Variants in RAPH1 observed in about 807,000 individuals in gnomAD.
RAPH1 encodes the protein ras-associated and pleckstrin homology domains-containing protein 1.
A neutral mutation model predicts 88.1 loss-of-function variants in RAPH1; 18 were observed. That is an observed-to-expected ratio of 0.20 (90% CI 0.14 to 0.30). The LOEUF (loss-of-function observed/expected upper bound fraction) is 0.30. Ranked by LOEUF, RAPH1 falls within the 10% of genes least tolerant of loss-of-function variation. RAPH1 has a pLI of 1.00. For synonymous variants in RAPH1, 587 were observed against 559.0 expected (o/e 1.05, Z -0.71); for missense variants, 1,448 against 1,543.2 (o/e 0.94, Z 1.03).
intron 4 of RAPH1, among the ~76,000 whole-genome samples, chr2:203,464,358 A>C (rs1312310416): frequency 2.6e-5 from 4 of 152,012 alleles, no homozygotes; most frequent in African/African-American, 9.7e-5. Context: ...TGCAACCTCC[A>C]CCTCCCGGGT....
chr2:203,474,105 G>C (rs1055661850), intron 4 of RAPH1, among the ~76,000 whole-genome samples: 1 of 152,202 alleles, frequency 6.6e-6, no homozygotes, highest in Admixed American at 6.5e-5. Context: ...AAAAGCTACA[G>C]TCCTGGAGGA....
intron 1 of RAPH1, among the ~76,000 whole-genome samples, chr2:203,520,503 T>C (rs1357414425): frequency 3.3e-5 from 5 of 151,986 alleles, no homozygotes; most frequent in Non-Finnish European, 5.9e-5. Context: ...GGTACTTGCC[T>C]GTAGTTCGAG....
At chr2:203,499,281 C>T (rs1156738548) in intron 1 of RAPH1, among the ~76,000 whole-genome samples, 1 of 152,138 alleles carries the variant, frequency 6.6e-6, no homozygotes, top group Admixed American at 6.6e-5. Flanking sequence ...GAAAATATCG[C>T]TAGAGAACAT....
chr2:203,473,504 T>C (rs1362121675), intron 4 of RAPH1, among the ~76,000 whole-genome samples: 1 of 152,116 alleles, frequency 6.6e-6, no homozygotes, highest in Admixed American at 6.5e-5. Context: ...CAGTGAAACA[T>C]TTTAAACTGC....
At chr2:203,491,362 T>A in intron 2 of RAPH1, 43 bp from the exon 3 acceptor site, 1 of 1,309,474 alleles carries the variant, frequency 7.6e-7, no homozygotes, top group Admixed American at 2.1e-5. Flanking sequence ...AATTCAGGTT[T>A]CAATAATATA....
intron 1 of RAPH1, among the ~76,000 whole-genome samples, chr2:203,502,959 G>A (rs1349951483): frequency 2.6e-5 from 4 of 151,920 alleles, no homozygotes; most frequent in African/African-American, 9.7e-5. Context: ...GCCTAACAAG[G>A]TGAAACCCTA....
intron 4 of RAPH1, among the ~76,000 whole-genome samples, chr2:203,475,017 G>A (rs540120648): frequency 6.4e-4 from 97 of 152,232 alleles, no homozygotes; most frequent in African/African-American, 2.2e-3. Flanking sequence ...ACGCTGAGGC[G>A]GGAGAATCGT....
rs1314987854 is a variant in RAPH1 at position 203,476,476 on chromosome 2, A to G, written c.732+13108T>C. On this transcript the variant is annotated intron_variant, in intron 4 of 13. Coordinates refer to ENST00000319170, the MANE Select transcript of RAPH1 (RefSeq NM_213589.3). ...ATGAGCCAACACACCCGGCCACGAG[A>G]TTTTTTTTACATTTTTGTTTCATAG... is the stretch of plus-strand genomic sequence containing the variant. Among the ~76,000 whole-genome samples the G allele has an allele frequency of 2.6e-5, 4 of 151,790 alleles. No homozygotes were observed. The East Asian group carries it at 7.7e-4, about 29-fold the overall frequency.
intron 1 of RAPH1, among the ~76,000 whole-genome samples, chr2:203,498,555 C>T (rs929791111): frequency 6.6e-6 from 1 of 152,182 alleles, no homozygotes; most frequent in African/African-American, 2.4e-5. Flanking sequence ...GAGGACAGCA[C>T]TCCAGGTCTG....
In RAPH1 at chr2:203,506,283, T is replaced by C. The variant is rs189149224; in HGVS notation, c.1-10930A>G. On this transcript the variant is annotated intron_variant, in intron 1 of 13. Coordinates refer to ENST00000319170, the MANE Select transcript of RAPH1 (RefSeq NM_213589.3). ...AGACAGAGATGTGTGTATTATGTGT[T>C]TGTAGGTATGTCCACTGAAAAAGCC... Among the ~76,000 whole-genome samples, 348 of 152,298 alleles carry C rather than the reference T, an allele frequency of 2.3e-3. 3 individuals carry two copies. Among genetic ancestry groups the C allele is most frequent in the Non-Finnish European group, 2.8e-3 (191 of 68,008 alleles).
Position 203,440,379 on chromosome 2 carries a change from G to T in RAPH1, c.2811C>A (p.Ala937=), listed in dbSNP as rs769169667. The change falls in exon 14 of 14, where the codon GCC becomes GCA. Residue 937 remains alanine (A), a synonymous_variant. Transcript: ENST00000319170. ...CTGTGGGTGGAGGTGGTGGTGGTGG[G>T]GCTGGGACAGGTGATGGGGGTGGAG... ...FPPPPPSPVP[A]PPPPPPPTAS... The T allele has an allele frequency of 1.3e-6, 2 of 1,591,924 alleles. No individual in the cohort carries two copies. The highest frequency in any genetic ancestry group is 2.7e-5 in the African/African-American group (2 of 74,106).
chr2:203,521,045 A>C (rs535317602), intron 1 of RAPH1, among the ~76,000 whole-genome samples: 12 of 152,188 alleles, frequency 7.9e-5, no homozygotes, highest in Non-Finnish European at 1.8e-4. Context: ...TAAAATACGC[A>C]GGTTTTGGGG....
At position 203,523,952 on chromosome 2, in the gene RAPH1, C is replaced by G. The variant is rs534279123; in HGVS notation, c.-1+11159G>C. ...CTGGGAGGTGGAAGTTGCAGTGAGC[C>G]GAGATCACGCCACTGTACTCCAGCC... On this transcript the variant is annotated intron_variant, in intron 1 of 13. Transcript: ENST00000319170. Among the ~76,000 whole-genome samples the G allele has an allele frequency of 2.0e-5, 3 of 151,990 alleles. No individual in the cohort carries two copies. In the East Asian group the frequency reaches 5.8e-4, roughly 29 times the overall value.
At chr2:203,473,419 G>A (rs1157718263) in intron 4 of RAPH1, among the ~76,000 whole-genome samples, 3 of 152,178 alleles carry the variant, frequency 2.0e-5, no homozygotes, top group Non-Finnish European at 4.4e-5. Flanking sequence ...GAGAAGAGTG[G>A]TGCACAGCTG....
chr2:203,487,057 T>C (rs1342094741), intron 4 of RAPH1, among the ~76,000 whole-genome samples: 2 of 152,208 alleles, frequency 1.3e-5, no homozygotes, highest in Non-Finnish European at 2.9e-5. Context: ...GAGGAACTTT[T>C]CACGTTTTAC....
At chr2:203,467,670 A>T (rs1299915114) in intron 4 of RAPH1, among the ~76,000 whole-genome samples, 1 of 152,176 alleles carries the variant, frequency 6.6e-6, no homozygotes, top group Non-Finnish European at 1.5e-5. Context: ...CTCAGGACCA[A>T]CTTCAGGACT....
intron 4 of RAPH1, among the ~76,000 whole-genome samples, chr2:203,462,500 C>T (rs1287410589): frequency 1.3e-5 from 2 of 152,136 alleles, no homozygotes; most frequent in Non-Finnish European, 2.9e-5. Context: ...TAAGAAGCTG[C>T]CTTATTGCGT....
At chr2:203,481,751 C>G (rs2105788534) in intron 4 of RAPH1, among the ~76,000 whole-genome samples, 1 of 149,690 alleles carries the variant, frequency 6.7e-6, no homozygotes, top group South Asian at 2.1e-4. Context: ...GCCACCACGC[C>G]AGGATAATTT....
chr2:203,439,547 T>C lies in RAPH1; in HGVS notation c.3643A>G (p.Lys1215Glu). 3.7e-6 allele frequency: 6 copies of C among 1,614,168 alleles called. No individual in the cohort carries two copies. The highest frequency in any genetic ancestry group is 5.1e-6 in the Non-Finnish European group (6 of 1,180,024). ...ATATGACTGCCTCCGTAACCAGCCT[T>C]CTGTTGATCAGACAGCAGTTCAGGG... ...PPPELLSDQQ[K>E]AGYGGSHISG... is the part of the protein sequence containing the mutation. The change falls in exon 14 of 14, where the codon AAG becomes GAG. Residue 1215 changes from lysine to glutamate, a missense_variant. By Grantham distance (56) the Lys-to-Glu change is moderately conservative. Around this residue, in one of 2 missense-constraint regions of RAPH1, gnomAD observed 935 missense variants for 890.1 expected, o/e 1.05. Coordinates refer to ENST00000319170, the MANE Select transcript of RAPH1 (RefSeq NM_213589.3).
Sources: gnomAD v4.1 joint callset for allele counts (sites outside exome capture counted in the v4.1 genomes callset) on GRCh38, gnomAD v4.1.1 for gene constraint, gnomAD v4.1.1 regional missense constraint, MANE v1.5 for transcripts, NCBI Gene and HGNC (gene_info 2026-07-23, HGNC 2026-07-21) for gene names.